TIAM1: variants seen among roughly 807,000 people sequenced by gnomAD.
The protein encoded by TIAM1 is TIAM Rac1 associated GEF 1.
TIAM1 carries 65 observed loss-of-function variants against 163.5 expected under a neutral mutation model. The observed-to-expected ratio is 0.40, with a 90% CI of 0.33 to 0.49. The LOEUF (loss-of-function observed/expected upper bound fraction) is 0.49, where lower values mean the gene tolerates loss of function less well. Ranked by LOEUF, TIAM1 falls within the 20% of genes least tolerant of loss-of-function variation. The probability of loss-of-function intolerance (pLI) is 0.77; values close to 1 mark genes in which losing one functional copy is unlikely to be tolerated. For missense variants in TIAM1, 1,789 were observed against 2,044.7 expected, an observed-to-expected ratio of 0.87 and a Z score of 2.41; for synonymous variants, 833 against 810.1, an observed-to-expected ratio of 1.03 and a Z score of -0.48.
chr21:31,420,293 C>T (rs2043520868), intron 2 of TIAM1, among the ~76,000 whole-genome samples: 1 of 152,160 alleles, frequency 6.6e-6, no homozygotes, highest in Non-Finnish European at 1.5e-5. Flanking sequence ...CCCAGGACAG[C>T]CACATCAGCC....
intron 1 of TIAM1, among the ~76,000 whole-genome samples, chr21:31,552,619 C>T (rs557148971): frequency 3.3e-5 from 5 of 152,192 alleles, no homozygotes; most frequent in Admixed American, 6.5e-5. Flanking sequence ...CCTAAAAATA[C>T]AGAAATTAGC....
Position 31,251,827 on chromosome 21 carries a change from G to C in TIAM1, c.1326C>G (p.Val442=), listed in dbSNP as rs765775430. 1.9e-6 allele frequency: 3 copies of C among 1,613,618 alleles called. No individual in the cohort carries two copies. In the South Asian group the frequency reaches 3.3e-5, roughly 18 times the overall value. ...TCTTCTTGTGCACCAGGAAGTTCTT[G>C]ACGGCCAGGGCGCCGGCCTTGCGCA... is the stretch of plus-strand genomic sequence containing the variant. ...GTVRKAGALA[V]KNFLVHKKNK... The change falls in exon 5 of 28, where the codon GTC becomes GTG. Residue 442 remains valine (V), a synonymous_variant. Transcript: ENST00000541036.
chr21:31,520,160 A>C (rs1041396937), intron 1 of TIAM1, among the ~76,000 whole-genome samples: 1 of 152,068 alleles, frequency 6.6e-6, no homozygotes, highest in Non-Finnish European at 1.5e-5. Flanking sequence ...GAAAAACCCT[A>C]TCTCTACTAA....
chr21:31,390,776 T>A (rs1031502300), intron 2 of TIAM1, among the ~76,000 whole-genome samples: 1 of 152,218 alleles, frequency 6.6e-6, no homozygotes, highest in South Asian at 2.1e-4. Flanking sequence ...AACACTGATG[T>A]TCACCCATTA....
At chr21:31,458,287 G>C (rs1254934491) in intron 2 of TIAM1, among the ~76,000 whole-genome samples, 1 of 152,068 alleles carries the variant, frequency 6.6e-6, no homozygotes, top group Non-Finnish European at 1.5e-5. Context: ...GGCATAGGGG[G>C]CGGGCGCCTG....
intron 1 of TIAM1, among the ~76,000 whole-genome samples, chr21:31,535,052 T>C (rs1390261634): frequency 1.3e-5 from 2 of 151,784 alleles, no homozygotes; most frequent in Non-Finnish European, 2.9e-5. Flanking sequence ...ACTGTGCCAC[T>C]GCACTCCAGC....
chr21:31,361,862 TAGATAGATAGATAGATAGAC>T (rs1334778481), intron 2 of TIAM1, among the ~76,000 whole-genome samples: 5 of 150,692 alleles, frequency 3.3e-5, no homozygotes, highest in Admixed American at 1.3e-4. Context: ...GATAGATAGA[TAGATAGATAGATAGATAGAC>T]AGACATGTGT....
rs1451302230 is a variant in TIAM1 at position 31,124,620 on chromosome 21, A to C, written c.4208T>G (p.Leu1403Arg). ...ILRDKHRRQL[L>R]KTESLPSSQQ... ...GGATGAGGGAAGGCTCTCGGTTTTG[A>C]GGAGCTGTCTTCTGTGCTTATCACG... The change falls in exon 27 of 28, where the codon CTC becomes CGC. Residue 1403 changes from leucine (L) to arginine (R), a missense_variant. By Grantham distance (102) the Leu-to-Arg change is moderately radical. Transcript: ENST00000541036. 1 of 1,613,862 alleles carries C rather than the reference A, an allele frequency of 6.2e-7. No homozygotes were observed. Among genetic ancestry groups the C allele is most frequent in the Admixed American group, 1.7e-5 (1 of 60,008 alleles).
chr21:31,293,115 T>TGCC (rs1440277374), intron 2 of TIAM1, among the ~76,000 whole-genome samples: 2 of 152,222 alleles, frequency 1.3e-5, no homozygotes, highest in African/African-American at 4.8e-5. Flanking sequence ...TGAGCCACCG[T>TGCC]GCCCAGCCAA....
chr21:31,170,698 A>G (rs2084459178), intron 15 of TIAM1, among the ~76,000 whole-genome samples: 1 of 152,054 alleles, frequency 6.6e-6, no homozygotes, highest in Non-Finnish European at 1.5e-5. Context: ...TGTCCCAATA[A>G]ACCCATCATA....
intron 2 of TIAM1, among the ~76,000 whole-genome samples, chr21:31,304,991 G>A (rs1442791187): frequency 2.0e-5 from 3 of 152,088 alleles, no homozygotes; most frequent in Non-Finnish European, 4.4e-5. Flanking sequence ...ACCACACCCA[G>A]CCCATTGAAT....
intron 1 of TIAM1, among the ~76,000 whole-genome samples, chr21:31,474,037 A>C (rs1044681908): frequency 6.6e-6 from 1 of 152,184 alleles, no homozygotes; most frequent in African/African-American, 2.4e-5. Context: ...GGGGGAGCAG[A>C]CATGTCACAA....
chr21:31,202,836 T>A (rs61250807), intron 12 of TIAM1, 72 bp downstream of exon 12: 1 of 1,422,870 alleles, frequency 7.0e-7, no homozygotes, highest in South Asian at 1.2e-5. Context: ...CCAACTACAA[T>A]TAACACGAGA....
chr21:31,511,342 T>C (rs535220672), intron 1 of TIAM1, among the ~76,000 whole-genome samples: 2 of 152,164 alleles, frequency 1.3e-5, no homozygotes, highest in Non-Finnish European at 1.5e-5. Flanking sequence ...TTCCTTCTAA[T>C]AAAATTCAAT....
intron 2 of TIAM1, among the ~76,000 whole-genome samples, chr21:31,390,647 A>G (rs2076951525): frequency 6.6e-6 from 1 of 152,214 alleles, no homozygotes; most frequent in South Asian, 2.1e-4. Context: ...ATTTTTAAGC[A>G]AAACTTCATT....
rs1049475082 is a variant in TIAM1, at chr21:31,529,046, C to A, written c.-422+29881G>T. Among the ~76,000 whole-genome samples, 14 of 151,110 alleles carry A rather than the reference C, an allele frequency of 9.3e-5. 1 individual carries two copies. On this transcript the variant is annotated intron_variant, in intron 1 of 28. Transcript: ENST00000286827. ...ACGCCATTCTCCCACCTCAGCCTCC[C>A]GAGTAGCCGGGACTACAGGCGCCCA...
rs568706741 is a variant in TIAM1, at chr21:31,542,115, C to T, written c.-422+16812G>A. On this transcript the variant is annotated intron_variant, in intron 1 of 28. Coordinates refer to the TIAM1 transcript ENST00000286827. ...TCCTCCCATGAAGATCTCCTTCATT[C>T]TTCTGAATGCTTAGTAATGGGTACA... Among the ~76,000 whole-genome samples the T allele has an allele frequency of 2.1e-3, 326 of 152,268 alleles. 1 individual carries two copies. Among genetic ancestry groups the T allele is most frequent in the African/African-American group, 7.5e-3 (313 of 41,544 alleles).
rs1472193471 is a variant in TIAM1 at position 31,395,783 on chromosome 21, T to C, written c.-368-56361A>G. 2.6e-5 allele frequency among the ~76,000 whole-genome samples: 4 copies of C among 152,078 alleles called. No homozygotes were observed. The highest frequency in any genetic ancestry group is 9.7e-5 in the African/African-American group (4 of 41,412). On this transcript the variant is annotated intron_variant, in intron 2 of 28. Transcript: ENST00000286827. The surrounding 1 kb of genome is among the most constrained non-coding windows in gnomAD (Gnocchi z 7.5). Reference sequence around the variant, plus strand: ...GGTTATTAAAAGGACGTGAGATGCATGGAATTAATGAACAACTATCTGTGA... The same window carrying C: ...GGTTATTAAAAGGACGTGAGATGCACGGAATTAATGAACAACTATCTGTGA...
Position 31,266,292 on chromosome 21 carries a change from C to A in TIAM1, c.681G>T (p.Gln227His). Residue 227 changes from glutamine to histidine, a missense_variant, in exon 4 of 28, where the codon CAG (glutamine) becomes CAT (histidine). By Grantham distance (24) the Gln-to-His change is conservative. Coordinates refer to ENST00000541036, the MANE Select transcript of TIAM1 (RefSeq NM_001353694.2). Reference sequence around the variant, plus strand: ...ACAAGTCACCCAAGGAATTGGCTCTCTGACAGGTGCTGAGCTGCCGCGGAC... The same window carrying A: ...ACAAGTCACCCAAGGAATTGGCTCTATGACAGGTGCTGAGCTGCCGCGGAC... ...RASPRQLSTC[Q>H]RANSLGDLYA... 6.2e-7 allele frequency: 1 copy of A among 1,614,254 alleles called. No individual in the cohort carries two copies.
Sources: gnomAD v4.1 joint callset for allele counts (sites outside exome capture counted in the v4.1 genomes callset) on GRCh38, gnomAD v4.1.1 for gene constraint, Gnocchi (gnomAD v3.1) non-coding constraint, MANE v1.5 for transcripts, NCBI Gene and HGNC (gene_info 2026-07-23, HGNC 2026-07-21) for gene names.